The following GRM3 variants were observed in gnomAD, a reference collection of about 807,000 sequenced individuals.
The protein encoded by GRM3 is glutamate metabotropic receptor 3, also known as metabotropic glutamate receptor 3.
In GRM3, 26 loss-of-function variants were observed where a neutral mutation model predicts 70.5. That is an observed-to-expected ratio of 0.37 (90% confidence interval 0.27 to 0.51). GRM3 has a LOEUF of 0.51. Among genes scored for constraint, GRM3 ranks in the 20% least tolerant of loss-of-function variants. The pLI, the probability that GRM3 is intolerant of heterozygous loss-of-function variation, is 0.93. For missense variants in GRM3, 859 were observed against 1,123.8 expected (o/e 0.76, Z 3.37); for synonymous variants, 443 against 434.9 (o/e 1.02, Z -0.23).
At chr7:86,757,144 C>T (rs961282207) in intron 1 of GRM3, among the ~76,000 whole-genome samples, 52 of 152,280 alleles carry the variant, frequency 3.4e-4, no homozygotes, top group African/African-American at 1.2e-3. Context: ...CCAAAATGTG[C>T]ACCATTTCAG....
At position 86,765,403 on chromosome 7, in the gene GRM3, A is replaced by T. The variant is rs1328185783; in HGVS notation, c.258A>T (p.Leu86=). ...IDEINKDDYL[L]PGVKLGVHIL... ...AAATCAACAAAGATGATTACTTGCTACCAGGAGTGAAGTTGGGTGTTCACA... is the reference window on the plus strand; with the variant it reads ...AAATCAACAAAGATGATTACTTGCTTCCAGGAGTGAAGTTGGGTGTTCACA... Residue 86 remains leucine, a synonymous_variant, in exon 2 of 6, where the codon CTA becomes CTT. Transcript: ENST00000361669. 6.2e-7 allele frequency: 1 copy of T among 1,613,928 alleles called. No homozygotes were observed. The highest frequency in any genetic ancestry group is 1.7e-5 in the Admixed American group (1 of 59,996).
At chr7:86,831,265 G>A (rs1465842189) in intron 3 of GRM3, among the ~76,000 whole-genome samples, 2 of 152,168 alleles carry the variant, frequency 1.3e-5, no homozygotes, top group Non-Finnish European at 2.9e-5. Context: ...CAGTCACAGT[G>A]TTACATGTGT....
chr7:86,835,027 T>C (rs1240428469), intron 3 of GRM3, among the ~76,000 whole-genome samples: 1 of 152,130 alleles, frequency 6.6e-6, no homozygotes, highest in South Asian at 2.1e-4. Context: ...TTTCAACTCC[T>C]GTGTTCACTT....
intron 1 of GRM3, among the ~76,000 whole-genome samples, chr7:86,699,680 T>C (rs1029827449): frequency 2.0e-5 from 3 of 152,012 alleles, no homozygotes; most frequent in African/African-American, 7.2e-5. Flanking sequence ...TTCTATCACA[T>C]ACTGAAATAG....
At chr7:86,773,116 T>A (rs1796788547) in intron 2 of GRM3, among the ~76,000 whole-genome samples, 2 of 152,002 alleles carry the variant, frequency 1.3e-5, no homozygotes, top group Non-Finnish European at 2.9e-5. Context: ...GAACATAGTA[T>A]CCAGTGGGTA....
intron 2 of GRM3, among the ~76,000 whole-genome samples, chr7:86,766,605 G>C (rs540415144): frequency 6.6e-6 from 1 of 152,192 alleles, no homozygotes; most frequent in Non-Finnish European, 1.5e-5. Flanking sequence ...CCCACTGGTA[G>C]AAAGTACAAG....
intron 1 of GRM3, among the ~76,000 whole-genome samples, chr7:86,710,571 GGT>G (rs1452470865): frequency 0.011 from 1,357 of 129,206 alleles, 33 homozygotes; most frequent in African/African-American, 0.036. Flanking sequence ...TGTGGTGGGG[GGT>G]GGGGGGAGGG....
intron 1 of GRM3, among the ~76,000 whole-genome samples, chr7:86,737,172 A>G (rs963800023): frequency 7.2e-5 from 11 of 152,238 alleles, no homozygotes; most frequent in Non-Finnish European, 1.5e-4. Context: ...GACATAGGAG[A>G]TAAAGACCTA....
At chr7:86,754,190 G>A (rs900383812) in intron 1 of GRM3, among the ~76,000 whole-genome samples, 1 of 152,070 alleles carries the variant, frequency 6.6e-6, no homozygotes, top group East Asian at 1.9e-4. Flanking sequence ...ATTTGAGTAT[G>A]GGGTTCATAC....
intron 1 of GRM3, among the ~76,000 whole-genome samples, chr7:86,665,527 A>G (rs1794004095): frequency 6.6e-6 from 1 of 152,016 alleles, no homozygotes; most frequent in African/African-American, 2.4e-5. Flanking sequence ...CTTACTATCA[A>G]TCACACTAAT....
chr7:86,757,360 G>C (rs1014757196), intron 1 of GRM3, among the ~76,000 whole-genome samples: 1 of 152,142 alleles, frequency 6.6e-6, no homozygotes, highest in Non-Finnish European at 1.5e-5. Flanking sequence ...ACTTTTGTTA[G>C]ACTTAGTTTC....
At chr7:86,721,270 C>T (rs1433128880) in intron 1 of GRM3, among the ~76,000 whole-genome samples, 1 of 152,018 alleles carries the variant, frequency 6.6e-6, no homozygotes, top group Non-Finnish European at 1.5e-5. Context: ...AGCATCCCAG[C>T]CCTCACGCTG....
intron 1 of GRM3, among the ~76,000 whole-genome samples, chr7:86,659,132 C>T (rs1462664101): frequency 3.3e-5 from 5 of 152,048 alleles, no homozygotes; most frequent in African/African-American, 7.2e-5. Flanking sequence ...TCATAGAAGA[C>T]GATTCTTGAA....
chr7:86,647,378 A>T (rs1010408060), intron 1 of GRM3, among the ~76,000 whole-genome samples: 3 of 152,086 alleles, frequency 2.0e-5, no homozygotes, highest in African/African-American at 7.2e-5. Flanking sequence ...TTGGGGGTGA[A>T]TTTTCCAATT....
chr7:86,696,142 A>G (rs1794811790), intron 1 of GRM3, among the ~76,000 whole-genome samples: 1 of 152,206 alleles, frequency 6.6e-6, no homozygotes, highest in African/African-American at 2.4e-5. Flanking sequence ...GTCTGTCTGT[A>G]GAAGGCTGAA....
chr7:86,778,050 T>C (rs1359562806), intron 2 of GRM3, among the ~76,000 whole-genome samples: 1 of 152,184 alleles, frequency 6.6e-6, no homozygotes, highest in Non-Finnish European at 1.5e-5. Context: ...CAGCACTGCA[T>C]GTGTGACAAA....
At chr7:86,718,898 A>G (rs1292603740) in intron 1 of GRM3, among the ~76,000 whole-genome samples, 1 of 151,980 alleles carries the variant, frequency 6.6e-6, no homozygotes, top group Non-Finnish European at 1.5e-5. Flanking sequence ...TATAAATGAG[A>G]TTAAAACTGA....
At chr7:86,746,803 T>C (rs1221086215) in intron 1 of GRM3, among the ~76,000 whole-genome samples, 1 of 152,076 alleles carries the variant, frequency 6.6e-6, no homozygotes, top group Non-Finnish European at 1.5e-5. Context: ...GGAATCAGCT[T>C]TTTTGAATAA....
At chr7:86,645,423 C>CCT (rs1706050747) in intron 1 of GRM3, among the ~76,000 whole-genome samples, 1 of 152,116 alleles carries the variant, frequency 6.6e-6, no homozygotes, top group Non-Finnish European at 1.5e-5. Flanking sequence ...AACTCACTGC[C>CCT]CTTTGCTCCT....
Sources: allele counts gnomAD v4.1 joint callset (sites outside exome capture counted in the v4.1 genomes callset), GRCh38; gene constraint gnomAD v4.1.1; transcripts MANE v1.5; gene names NCBI Gene and HGNC (gene_info 2026-07-23, HGNC 2026-07-21).